GMPS: variants seen among roughly 807,000 people sequenced by gnomAD.
GMPS encodes the protein GMP synthase [glutamine-hydrolyzing].
In GMPS, 15 loss-of-function variants were observed where a neutral mutation model predicts 77.9. The observed-to-expected ratio is 0.19, with a 90% confidence interval of 0.13 to 0.30. The LOEUF (loss-of-function observed/expected upper bound fraction) is 0.30. Ranked by LOEUF, GMPS falls within the 10% of genes least tolerant of loss-of-function variation. The pLI is 1.00. For synonymous variants in GMPS, 224 were observed against 275.9 expected, an observed-to-expected ratio of 0.81 and a Z score of 1.86; for missense variants, 590 against 838.8, an observed-to-expected ratio of 0.70 and a Z score of 3.66.
chr3:155,878,704 T>C (rs974861616), intron 1 of GMPS, among the ~76,000 whole-genome samples: 1 of 152,096 alleles, frequency 6.6e-6, no homozygotes, highest in Non-Finnish European at 1.5e-5. Flanking sequence ...TAGAGAGATA[T>C]ATGAGAGGAA....
chr3:155,915,720 G>A (rs1033496656), intron 8 of GMPS, among the ~76,000 whole-genome samples: 25 of 152,168 alleles, frequency 1.6e-4, no homozygotes, highest in African/African-American at 6.0e-4. Flanking sequence ...ATATTTAGTA[G>A]AGATGGTGTT....
Position 155,941,127 on chromosome 3 carries a change from G to A in GMPS, c.*3435G>A, listed in dbSNP as rs767679986. ...AAATCTTAAAAGGAAGTTCTTGGCC[G>A]GGCGCGGTGGCTCATGCCTGTAATC... On this transcript the variant is annotated 3_prime_UTR_variant, in exon 16 of 16. Transcript: ENST00000496455. 3 of 181,668 alleles carry A rather than the reference G, an allele frequency of 1.7e-5. No individual in the cohort carries two copies. Among genetic ancestry groups the A allele is most frequent in the African/African-American group, 2.4e-5 (1 of 42,434 alleles). The allele number at this position is 181,668 out of a possible 1,614,324, so 11.3% of individuals were successfully genotyped here.
intron 12 of GMPS, among the ~76,000 whole-genome samples, chr3:155,930,700 G>T (rs1235191718): frequency 2.0e-5 from 3 of 152,206 alleles, no homozygotes. Flanking sequence ...TAACTTTTAA[G>T]CTGATACTTA....
intron 1 of GMPS, among the ~76,000 whole-genome samples, 188 bp from the exon 2 acceptor site, chr3:155,893,330 A>G (rs369241407): frequency 2.0e-5 from 3 of 152,354 alleles, no homozygotes; most frequent in African/African-American, 4.8e-5. Flanking sequence ...AGTGTTTAAT[A>G]TATGCCCATG....
rs1010695554 is a variant in GMPS at position 155,938,037 on chromosome 3, T to G, written c.*345T>G. 1 of 252,960 alleles carries G rather than the reference T, an allele frequency of 4.0e-6. No homozygotes were observed. Among genetic ancestry groups the G allele is most frequent in the East Asian group, 5.8e-5 (1 of 17,222 alleles). The allele number at this position is 252,960 out of a possible 1,614,324, so 15.7% of individuals were successfully genotyped here. On this transcript the variant is annotated 3_prime_UTR_variant, in exon 16 of 16. Coordinates refer to ENST00000496455, the MANE Select transcript of GMPS (RefSeq NM_003875.3). The stretch of plus-strand genomic sequence containing the variant: ...GGGGTAATTATGGGCTTCTGTCTCC[T>G]TACCAGTTTCTAAGAACTGTTAGAA...
chr3:155,941,297 G>C lies in GMPS; in HGVS notation c.*3605G>C, dbSNP rs929359967. ...CGGGTGCCTGTAGTCCCAGCTACTC[G>C]GGAGGCTGAGGCAGGAGAATGGCCT... On this transcript the variant is annotated 3_prime_UTR_variant, in exon 16 of 16. Transcript: ENST00000496455. The C allele has an allele frequency of 2.8e-5, 5 of 177,452 alleles. No homozygotes were observed. Among genetic ancestry groups the C allele is most frequent in the Admixed American group, 1.3e-4 (2 of 15,828 alleles). The allele number at this position is 177,452 out of a possible 1,614,324, so 11.0% of individuals were successfully genotyped here. A position where few individuals can be genotyped will look rare whatever the true frequency, so the allele number is the denominator to read the frequency against.
chr3:155,917,779 A>T (rs1004200913), intron 9 of GMPS, among the ~76,000 whole-genome samples: 3 of 152,154 alleles, frequency 2.0e-5, no homozygotes, highest in African/African-American at 7.2e-5. Flanking sequence ...AGGCTGAGGC[A>T]GGAGAATGGC....
intron 4 of GMPS, among the ~76,000 whole-genome samples, chr3:155,905,027 T>A (rs1754836927): frequency 6.6e-6 from 1 of 151,690 alleles, no homozygotes; most frequent in Non-Finnish European, 1.5e-5. Context: ...TTAATTTAAT[T>A]TTTTTTTTGA....
chr3:155,909,274 G>A (rs1164048968), intron 5 of GMPS, among the ~76,000 whole-genome samples: 1 of 152,174 alleles, frequency 6.6e-6, no homozygotes, highest in African/African-American at 2.4e-5. Flanking sequence ...AAACACATTT[G>A]TCAAGTAGTT....
chr3:155,932,311 CA>C (rs1560054295), intron 13 of GMPS, among the ~76,000 whole-genome samples: 238 of 151,848 alleles, frequency 1.6e-3, no homozygotes, highest in African/African-American at 4.8e-3. Context: ...CACACACACA[CA>C]CACCCCTACA....
At chr3:155,920,504 G>C (rs1249358577) in intron 10 of GMPS, among the ~76,000 whole-genome samples, 1 of 150,556 alleles carries the variant, frequency 6.6e-6, no homozygotes, top group Non-Finnish European at 1.5e-5. Flanking sequence ...GAACCCGGGA[G>C]GCAGAGGTTG....
At chr3:155,923,706 C>T (rs534132329) in intron 11 of GMPS, among the ~76,000 whole-genome samples, 1 of 152,176 alleles carries the variant, frequency 6.6e-6, no homozygotes, top group Non-Finnish European at 1.5e-5. Flanking sequence ...CAGTCCCTTA[C>T]TGAAGAAACT....
intron 9 of GMPS, among the ~76,000 whole-genome samples, chr3:155,916,553 CG>C (rs1755184544): frequency 6.6e-6 from 1 of 152,010 alleles, no homozygotes; most frequent in Non-Finnish European, 1.5e-5. Context: ...TTTTACTTAC[CG>C]TAATGTTTTC....
rs1416048588 is a variant in GMPS, at chr3:155,938,451, C to G, written c.*759C>G. 1 of 211,448 alleles carries G rather than the reference C, an allele frequency of 4.7e-6. No homozygotes were observed. Among genetic ancestry groups the G allele is most frequent in the Non-Finnish European group, 9.6e-6 (1 of 104,092 alleles). The allele number at this position is 211,448 out of a possible 1,614,324, so 13.1% of individuals were successfully genotyped here. A position where few individuals can be genotyped will look rare whatever the true frequency, so the allele number is the denominator to read the frequency against. ...TCCTAGCCTTATATTACCAGCCCCCCACAGCCTTGCATAGAAAGTTTCTGT... is the reference window on the plus strand; with the variant it reads ...TCCTAGCCTTATATTACCAGCCCCCGACAGCCTTGCATAGAAAGTTTCTGT... On this transcript the variant is annotated 3_prime_UTR_variant, in exon 16 of 16. Transcript: ENST00000496455.
chr3:155,919,963 C>G (rs941498310), intron 10 of GMPS, among the ~76,000 whole-genome samples: 3 of 152,146 alleles, frequency 2.0e-5, no homozygotes, highest in Non-Finnish European at 2.9e-5. Context: ...TTCTAGCTCA[C>G]TGTAATAGTG....
At chr3:155,883,799 G>A (rs1754266277) in intron 1 of GMPS, among the ~76,000 whole-genome samples, 1 of 152,046 alleles carries the variant, frequency 6.6e-6, no homozygotes, top group South Asian at 2.1e-4. Context: ...AAAACCCAAG[G>A]AGTTTAACAG....
Position 155,914,474 on chromosome 3 carries a change from T to A in GMPS, c.942T>A (p.Asp314Glu), listed in dbSNP as rs749291954. The A allele has an allele frequency of 1.9e-6, 3 of 1,603,518 alleles. No homozygotes were observed. The highest frequency in any genetic ancestry group is 4.5e-5 in the East Asian group (2 of 44,206). The part of the protein sequence containing the change: ...YNGTTTLPIS[D>E]EDRTPRKRIS... ...GAACAACAACCCTACCAATATCAGA[T>A]GAAGATAGAACCCCACGGAAAAGAA... Residue 314 changes from aspartate (D) to glutamate (E), a missense_variant, in exon 8 of 16, where the codon GAT becomes GAA. Asp to Glu is a conservative substitution (Grantham distance 45, BLOSUM62 2). Transcript: ENST00000496455.
intron 1 of GMPS, among the ~76,000 whole-genome samples, chr3:155,874,953 G>A (rs1165464287): frequency 1.4e-5 from 2 of 144,834 alleles, no homozygotes; most frequent in Non-Finnish European, 3.0e-5. Flanking sequence ...TGTTGCCCAG[G>A]CTGGAGTACA....
In GMPS at chr3:155,916,120, T is replaced by A. The variant is rs1002119773; in HGVS notation, c.1140T>A (p.Val380=). 1.2e-6 allele frequency: 2 copies of A among 1,613,512 alleles called. No individual in the cohort carries two copies. The highest frequency in any genetic ancestry group is 1.7e-6 in the Non-Finnish European group (2 of 1,179,474). Residue 380 remains valine (V), a synonymous_variant, in exon 9 of 16, where the codon GTT becomes GTA. Transcript: ENST00000496455. ...ATCTAATTGAAAGTGCATCCCTTGT[T>A]GCAAGTGGCAAAGCTGAACTCATCA... The part of the protein sequence containing the change: ...RPDLIESASL[V]ASGKAELIKT...
Sources: allele counts gnomAD v4.1 joint callset (sites outside exome capture counted in the v4.1 genomes callset), GRCh38; gene constraint gnomAD v4.1.1; transcripts MANE v1.5; gene names NCBI Gene and HGNC (gene_info 2026-07-23, HGNC 2026-07-21).